The following DCTN4 variants were observed in gnomAD, a reference collection of about 807,000 sequenced individuals.
DCTN4 encodes the protein dynactin subunit 4, also known as dynactin 4 (p62).
DCTN4 carries 23 observed loss-of-function variants against 62.7 expected under a neutral mutation model. That is an observed-to-expected ratio of 0.37 (90% CI 0.26 to 0.52). DCTN4 has a LOEUF of 0.52. DCTN4 is among the 20% of genes least tolerant of loss of function. DCTN4 has a pLI of 0.92. For missense variants in DCTN4, 514 were observed against 580.4 expected (o/e 0.89, Z 1.18); for synonymous variants, 199 against 202.1 (o/e 0.98, Z 0.13).
intron 1 of DCTN4, among the ~76,000 whole-genome samples, chr5:150,757,142 C>A (rs913940026): frequency 6.6e-6 from 1 of 152,082 alleles, no homozygotes; most frequent in South Asian, 2.1e-4. Flanking sequence ...TAGTCACCTG[C>A]AAATGAAAAG....
intron 8 of DCTN4, among the ~76,000 whole-genome samples, chr5:150,730,348 C>T (rs1469376628): frequency 6.6e-6 from 1 of 152,212 alleles, no homozygotes; most frequent in Non-Finnish European, 1.5e-5. Flanking sequence ...AAAGTTCACA[C>T]TCTTTCACTA....
chr5:150,758,858 C>T lies in DCTN4; in HGVS notation c.135+1G>A. The stretch of plus-strand genomic sequence containing the variant: ...TACTCGCTATAGGGCGACTCTGTTA[C>T]CTCGTGAGACACACATTCCAGCGAC... On this transcript the variant is annotated splice_donor_variant, in intron 1 of 12. Transcript: ENST00000447998. LOFTEE classifies it high-confidence loss of function. 1 of 1,613,784 alleles carries T rather than the reference C, an allele frequency of 6.2e-7. No individual in the cohort carries two copies. Among genetic ancestry groups the T allele is most frequent in the Non-Finnish European group, 8.5e-7 (1 of 1,179,834 alleles).
chr5:150,725,146 A>T (rs185406408), intron 8 of DCTN4, among the ~76,000 whole-genome samples: 1 of 141,856 alleles, frequency 7.0e-6, no homozygotes, highest in African/African-American at 2.7e-5. Flanking sequence ...CAACAGAGTG[A>T]GACTCCGTCT....
Position 150,711,357 on chromosome 5 carries a change from A to C in DCTN4, c.1175T>G (p.Ile392Arg). The C allele has an allele frequency of 6.2e-7, 1 of 1,612,732 alleles. No homozygotes were observed. The highest frequency in any genetic ancestry group is 8.5e-7 in the Non-Finnish European group (1 of 1,179,840). The change falls in exon 13 of 13, where the codon ATA becomes AGA. Residue 392 changes from isoleucine (I) to arginine (R), a missense_variant. By Grantham distance (97) the Ile-to-Arg change is moderately conservative. Transcript: ENST00000447998. Reference sequence around the variant, plus strand: ...CACTTTGTTGGCCTTTCTGAAGGCTATAATGCTATGGAAAGAAAAAAAAGC... The same window carrying C: ...CACTTTGTTGGCCTTTCTGAAGGCTCTAATGCTATGGAAAGAAAAAAAAGC... ...PQDFQDDPDI[I>R]AFRKANKVGI...
intron 6 of DCTN4, 34 bp from the exon 7 acceptor site, chr5:150,731,190 A>C (rs1048310787): frequency 9.8e-6 from 14 of 1,428,402 alleles, no homozygotes; most frequent in Non-Finnish European, 1.3e-5. Context: ...AAAACAAAAC[A>C]AAAGAGTAAT....
intron 4 of DCTN4, among the ~76,000 whole-genome samples, chr5:150,741,061 T>C (rs751528647): frequency 6.7e-6 from 1 of 149,818 alleles, no homozygotes; most frequent in Non-Finnish European, 1.5e-5. Context: ...TTCTTTTAAA[T>C]GGCTGAGGTG....
At chr5:150,729,930 T>C (rs1261148170) in intron 8 of DCTN4, among the ~76,000 whole-genome samples, 1 of 152,064 alleles carries the variant, frequency 6.6e-6, no homozygotes, top group Non-Finnish European at 1.5e-5. Flanking sequence ...AATCCGAATC[T>C]ACGTAAACTC....
chr5:150,737,277 T>C (rs1760616630), intron 4 of DCTN4, among the ~76,000 whole-genome samples: 1 of 152,162 alleles, frequency 6.6e-6, no homozygotes, highest in South Asian at 2.1e-4. Context: ...TTAACAGATA[T>C]TTACAGATCA....
intron 8 of DCTN4, among the ~76,000 whole-genome samples, chr5:150,723,642 T>C (rs778956976): frequency 6.6e-6 from 1 of 152,188 alleles, no homozygotes; most frequent in Non-Finnish European, 1.5e-5. Flanking sequence ...ACAGTAATAA[T>C]TATTTACTAC....
At chr5:150,738,712 G>A (rs1760666879) in intron 4 of DCTN4, among the ~76,000 whole-genome samples, 1 of 152,166 alleles carries the variant, frequency 6.6e-6, no homozygotes, top group Non-Finnish European at 1.5e-5. Flanking sequence ...AGACAAGGAT[G>A]CCCACTTTTA....
intron 3 of DCTN4, among the ~76,000 whole-genome samples, chr5:150,750,404 A>G (rs1483917141): frequency 6.6e-6 from 1 of 152,194 alleles, no homozygotes; most frequent in Non-Finnish European, 1.5e-5. Flanking sequence ...CTGCTAAATC[A>G]TTTTGGAGTG....
chr5:150,752,995 T>G (rs1434696261), intron 3 of DCTN4, among the ~76,000 whole-genome samples: 1 of 151,892 alleles, frequency 6.6e-6, no homozygotes, highest in Admixed American at 6.6e-5. Flanking sequence ...GCCTCCCGAG[T>G]AGCTGGGACT....
At chr5:150,723,187 A>G (rs1261545719) in intron 8 of DCTN4, among the ~76,000 whole-genome samples, 5 of 152,192 alleles carry the variant, frequency 3.3e-5, no homozygotes, top group Non-Finnish European at 5.9e-5. Context: ...CCACTATCCA[A>G]TATTATTATA....
intron 3 of DCTN4, among the ~76,000 whole-genome samples, chr5:150,743,633 C>T (rs767113555): frequency 2.0e-5 from 3 of 152,158 alleles, no homozygotes; most frequent in South Asian, 2.1e-4. Flanking sequence ...CAGCAGCATT[C>T]GCGATTCACG....
rs190325253 is a variant in DCTN4, at chr5:150,710,094, G to A, written c.*1055C>T. The A allele has an allele frequency of 1.3e-5, 2 of 152,462 alleles. No individual in the cohort carries two copies. Among genetic ancestry groups the A allele is most frequent in the Non-Finnish European group, 2.9e-5 (2 of 68,022 alleles). The allele number at this position is 152,462 out of a possible 1,614,324, so 9.4% of individuals were successfully genotyped here. ...CCACATGACAAAAGTCTTAAACTTA[G>A]TAAGGGGGAAAGTTCTTAATATCCA... On this transcript the variant is annotated 3_prime_UTR_variant, in exon 13 of 13. Transcript: ENST00000447998.
intron 10 of DCTN4, 57 bp from the exon 11 acceptor site, chr5:150,718,440 G>A (rs953977076): frequency 3.4e-5 from 43 of 1,264,302 alleles, no homozygotes; most frequent in South Asian, 3.0e-4. Flanking sequence ...CTGCTATACC[G>A]AATATTTCGC....
chr5:150,715,087 C>A (rs1232247462), intron 12 of DCTN4, among the ~76,000 whole-genome samples: 3 of 151,804 alleles, frequency 2.0e-5, no homozygotes, highest in Admixed American at 1.3e-4. Context: ...TGGTCACAGT[C>A]CCCAGTTACT....
chr5:150,731,541 T>G (rs1760370789), intron 5 of DCTN4, 52 bp from the exon 6 acceptor site: 1 of 1,435,904 alleles, frequency 7.0e-7, no homozygotes, highest in Non-Finnish European at 9.6e-7. Flanking sequence ...ACACACCCTA[T>G]TTATCAAAAG....
At position 150,749,672 on chromosome 5, in the gene DCTN4, T is replaced by A. The variant is rs6893241; in HGVS notation, c.385+3807A>T. Among the ~76,000 whole-genome samples, 557 of 114,714 alleles carry A rather than the reference T, an allele frequency of 4.9e-3. 3 individuals carry two copies. The highest frequency in any genetic ancestry group is 0.02 in the African/African-American group (360 of 18,406). 75.3% of individuals were successfully genotyped at this position (114,714 alleles called of 152,430 possible). On this transcript the variant is annotated intron_variant, in intron 3 of 12. Transcript: ENST00000447998. The stretch of plus-strand genomic sequence containing the variant: ...CTCTACTTTAAAAAATAAAAAAAAA[T>A]AAAAATAGTTTGGCAGCTTCTAGAC...
Sources: gnomAD v4.1 joint callset for allele counts (sites outside exome capture counted in the v4.1 genomes callset) on GRCh38, gnomAD v4.1.1 for gene constraint, MANE v1.5 for transcripts, NCBI Gene and HGNC (gene_info 2026-07-23, HGNC 2026-07-21) for gene names.